The following NDST4 variants were observed in gnomAD, a reference collection of about 807,000 sequenced individuals.
NDST4 encodes the protein N-deacetylase and N-sulfotransferase 4.
In NDST4, 63 loss-of-function variants were observed where a neutral mutation model predicts 100.8. That is an observed-to-expected ratio of 0.62 (90% CI 0.51 to 0.77). NDST4 has a LOEUF of 0.77. Ranked by LOEUF, NDST4 falls within the 30% of genes least tolerant of loss-of-function variation. The probability of loss-of-function intolerance (pLI) is 0.00; values close to 1 mark genes in which losing one functional copy is unlikely to be tolerated. For synonymous variants in NDST4, 377 were observed against 361.8 expected (o/e 1.04, Z -0.48); for missense variants, 943 against 1,018.4 (o/e 0.93, Z 1.01).
At chr4:115,084,163 T>C (rs1729363045) in intron 1 of NDST4, among the ~76,000 whole-genome samples, 1 of 152,154 alleles carries the variant, frequency 6.6e-6, no homozygotes. Flanking sequence ...CAGATGTTGA[T>C]GAGGAACTTG....
At chr4:115,112,840 G>T (rs184035406) in intron 1 of NDST4, among the ~76,000 whole-genome samples, 190 of 151,962 alleles carry the variant, frequency 1.3e-3, no homozygotes, top group African/African-American at 4.0e-3. Context: ...ATTGTTCTAA[G>T]AATTTATTTT....
chr4:115,081,610 T>C (rs952358397), intron 1 of NDST4, among the ~76,000 whole-genome samples: 3 of 152,138 alleles, frequency 2.0e-5, no homozygotes, highest in Non-Finnish European at 2.9e-5. Flanking sequence ...ATGAGTCACA[T>C]AAAATTAAAA....
At chr4:115,015,369 T>G (rs919506811) in intron 2 of NDST4, among the ~76,000 whole-genome samples, 1 of 152,078 alleles carries the variant, frequency 6.6e-6, no homozygotes, top group Admixed American at 6.6e-5. Flanking sequence ...CCTTAAAAGA[T>G]AGTGGTGAAG....
intron 1 of NDST4, among the ~76,000 whole-genome samples, chr4:115,097,440 C>T (rs1026199996): frequency 6.6e-6 from 1 of 152,070 alleles, no homozygotes; most frequent in Non-Finnish European, 1.5e-5. Flanking sequence ...CTCTCTATCT[C>T]TATTGGGGCT....
chr4:115,036,302 A>G (rs2126272070), intron 2 of NDST4, among the ~76,000 whole-genome samples: 1 of 151,398 alleles, frequency 6.6e-6, no homozygotes, highest in African/African-American at 2.4e-5. Context: ...CCTCATTATT[A>G]TTATAACTAA....
intron 12 of NDST4, among the ~76,000 whole-genome samples, chr4:114,830,720 A>C (rs1019735505): frequency 1.3e-5 from 2 of 152,262 alleles, no homozygotes; most frequent in African/African-American, 4.8e-5. Flanking sequence ...TGCTGCATGC[A>C]TAAAACATCG....
chr4:114,899,662 A>G (rs886707877), intron 6 of NDST4, among the ~76,000 whole-genome samples: 8 of 152,162 alleles, frequency 5.3e-5, no homozygotes, highest in Admixed American at 5.2e-4. Flanking sequence ...TCCAATGATG[A>G]GCCAGCATTG....
At chr4:114,973,507 A>G (rs1190257769) in intron 3 of NDST4, among the ~76,000 whole-genome samples, 5 of 151,898 alleles carry the variant, frequency 3.3e-5, no homozygotes, top group Non-Finnish European at 7.4e-5. Flanking sequence ...ATTATTAATG[A>G]AAAAAATACA....
At chr4:114,996,624 C>G (rs1484377713) in intron 2 of NDST4, among the ~76,000 whole-genome samples, 2 of 152,054 alleles carry the variant, frequency 1.3e-5, no homozygotes, top group African/African-American at 4.8e-5. Context: ...GCCAAGTCCC[C>G]CTCCTTGTAC....
chr4:115,099,518 C>A (rs1383345580), intron 1 of NDST4, among the ~76,000 whole-genome samples: 1 of 151,868 alleles, frequency 6.6e-6, no homozygotes, highest in Non-Finnish European at 1.5e-5. Flanking sequence ...AAATAGATAC[C>A]TCCTTAATGA....
chr4:114,872,839 A>T (rs1724177265), intron 6 of NDST4, among the ~76,000 whole-genome samples: 1 of 151,968 alleles, frequency 6.6e-6, no homozygotes, highest in African/African-American at 2.4e-5. Context: ...AGGCAGTCAG[A>T]TTCCCAATTC....
chr4:114,829,892 C>T lies in NDST4; in HGVS notation c.2397G>A (p.Thr799=). Residue 799 remains threonine, a splice_region_variant and synonymous_variant, in exon 13 of 14, where the codon ACG becomes ACA. Coordinates refer to ENST00000264363, the MANE Select transcript of NDST4 (RefSeq NM_022569.3). ...ACCAAAAACCCTTTTGGGGATCAAACCTACAGTACATAAAACATAATGATT... is the reference window on the plus strand; with the variant it reads ...ACCAAAAACCCTTTTGGGGATCAAATCTACAGTACATAAAACATAATGATT... ...TPRYNYSEAL[T]FDPQKGFWCQ... is the part of the protein sequence containing the mutation. 6.2e-7 allele frequency: 1 copy of T among 1,601,220 alleles called. No homozygotes were observed.
chr4:115,091,331 T>C lies in NDST4; in HGVS notation c.-246-14049A>G, dbSNP rs1400425368. On this transcript the variant is annotated intron_variant, in intron 1 of 13. Coordinates refer to ENST00000264363, the MANE Select transcript of NDST4 (RefSeq NM_022569.3). The stretch of plus-strand genomic sequence containing the variant: ...CAAGAAATGACAAAATTTCTAAATA[T>C]TTGAATCTGCTCAAAGGATTAATCA... 2.0e-5 allele frequency among the ~76,000 whole-genome samples: 3 copies of C among 152,110 alleles called. No homozygotes were observed. In the South Asian group the frequency reaches 6.2e-4, roughly 31 times the overall value.
intron 6 of NDST4, among the ~76,000 whole-genome samples, chr4:114,916,556 G>A (rs985882361): frequency 1.3e-5 from 2 of 148,584 alleles, no homozygotes; most frequent in African/African-American, 4.9e-5. Context: ...GTGTGTGTGT[G>A]TGTGTGTGTG....
chr4:114,882,668 T>A (rs1205238472), intron 6 of NDST4, among the ~76,000 whole-genome samples: 3 of 151,752 alleles, frequency 2.0e-5, no homozygotes, highest in African/African-American at 4.8e-5. Flanking sequence ...AATGCCAGAA[T>A]AGGAAAAAAG....
chr4:114,878,305 T>A (rs1251468591), intron 6 of NDST4, among the ~76,000 whole-genome samples: 3 of 152,170 alleles, frequency 2.0e-5, no homozygotes, highest in African/African-American at 7.2e-5. Context: ...TAATCACTAA[T>A]CCTAGTTGAT....
chr4:114,911,101 C>T (rs1339158056), intron 6 of NDST4, among the ~76,000 whole-genome samples: 1 of 152,056 alleles, frequency 6.6e-6, no homozygotes, highest in Non-Finnish European at 1.5e-5. Flanking sequence ...CAGTGGCTCA[C>T]ATCTCACTTA....
chr4:114,884,430 A>G (rs1410028585), intron 6 of NDST4, among the ~76,000 whole-genome samples: 2 of 152,164 alleles, frequency 1.3e-5, no homozygotes, highest in Non-Finnish European at 2.9e-5. Context: ...GGCTAAGGTT[A>G]TCTTACAAAA....
intron 1 of NDST4, among the ~76,000 whole-genome samples, chr4:115,081,832 T>C (rs993501046): frequency 3.9e-5 from 6 of 152,310 alleles, no homozygotes; most frequent in African/African-American, 1.4e-4. Context: ...TATGGTGATG[T>C]TGACCTTTCA....
Sources: allele counts gnomAD v4.1 joint callset (sites outside exome capture counted in the v4.1 genomes callset), GRCh38; gene constraint gnomAD v4.1.1; transcripts MANE v1.5; gene names NCBI Gene and HGNC (gene_info 2026-07-23, HGNC 2026-07-21).